The following MAP3K20 variants were observed in gnomAD, a reference collection of about 807,000 sequenced individuals.
MAP3K20 encodes the protein HCCS-4.
MAP3K20 carries 40 observed loss-of-function variants against 85.7 expected under a neutral mutation model. That is an observed-to-expected ratio of 0.47 (90% CI 0.36 to 0.61). The LOEUF (loss-of-function observed/expected upper bound fraction) is 0.61, where lower values mean the gene tolerates loss of function less well. Ranked by LOEUF, MAP3K20 falls within the 20% of genes least tolerant of loss-of-function variation. The pLI is 0.00. For missense variants in MAP3K20, 817 were observed against 961.7 expected (o/e 0.85, Z 1.99); for synonymous variants, 325 against 327.7 (o/e 0.99, Z 0.09).
intron 10 of MAP3K20, chr2:173,211,892 C>CGACA (rs1559281482): frequency 6.6e-6 from 1 of 151,946 alleles, no homozygotes; most frequent in African/African-American, 2.4e-5. Flanking sequence ...CCAGCCTGGG[C>CGACA]GACACAGCAA....
At chr2:173,103,476 A>C (rs974563647) in intron 2 of MAP3K20, among the ~76,000 whole-genome samples, 1 of 152,106 alleles carries the variant, frequency 6.6e-6, no homozygotes, top group Non-Finnish European at 1.5e-5. Context: ...AAAAGTTTAT[A>C]CTCTGGCCTT....
chr2:173,198,553 T>C lies in MAP3K20; in HGVS notation c.669+441T>C, dbSNP rs1345834281. ...CAGGAGTCACTATAGTACAAGAAAC[T>C]GTCGCTTAGATGAGAATTTCAAAAA... is the stretch of plus-strand genomic sequence containing the variant. On this transcript the variant is annotated intron_variant, in intron 8 of 19. Coordinates refer to ENST00000375213, the MANE Select transcript of MAP3K20 (RefSeq NM_016653.3). This position sits in a 1 kb window ranked among gnomAD's most constrained non-coding sequence, Gnocchi z 5.8. The C allele has an allele frequency of 6.6e-6, 1 of 152,598 alleles. No individual in the cohort carries two copies. The highest frequency in any genetic ancestry group is 1.5e-5 in the Non-Finnish European group (1 of 68,090). 9.5% of individuals were successfully genotyped at this position (152,598 alleles called of 1,614,324 possible). A position where few individuals can be genotyped will look rare whatever the true frequency, so the allele number is the denominator to read the frequency against.
intron 2 of MAP3K20, among the ~76,000 whole-genome samples, chr2:173,104,066 T>G (rs1244767301): frequency 6.6e-6 from 1 of 152,190 alleles, no homozygotes; most frequent in African/African-American, 2.4e-5. Flanking sequence ...GTCAACACAT[T>G]AGAAAATATA....
chr2:173,122,949 T>C (rs1457274624), intron 2 of MAP3K20, among the ~76,000 whole-genome samples: 1 of 152,148 alleles, frequency 6.6e-6, no homozygotes, highest in Non-Finnish European at 1.5e-5. Context: ...CAAAGGAAAA[T>C]AACTACAGAG....
At chr2:173,078,080 T>G (rs114267719) in intron 1 of MAP3K20, among the ~76,000 whole-genome samples, 2,342 of 152,230 alleles carry the variant, frequency 0.015, 57 homozygotes, top group African/African-American at 0.053. Flanking sequence ...TTCATGAAAA[T>G]AAGTCAGATG....
Position 173,191,672 on chromosome 2 carries a change from T to A in MAP3K20, c.582+495T>A, listed in dbSNP as rs78326606. The stretch of plus-strand genomic sequence containing the variant: ...GTTTCTAAAAGTCCAAAAGAAAATG[T>A]ACTTAGCACTTACCAGATGACCTTG... On this transcript the variant is annotated intron_variant, in intron 7 of 19. Coordinates refer to ENST00000375213, the MANE Select transcript of MAP3K20 (RefSeq NM_016653.3). 6.4e-3 allele frequency among the ~76,000 whole-genome samples: 973 copies of A among 152,356 alleles called. 6 individuals are homozygous for A. Among genetic ancestry groups the A allele is most frequent in the Non-Finnish European group, 8.1e-3 (550 of 68,026 alleles).
intron 2 of MAP3K20, among the ~76,000 whole-genome samples, chr2:173,134,423 TA>T (rs1251926851): frequency 0.016 from 354 of 22,198 alleles, 22 homozygotes; most frequent in South Asian, 0.026. Flanking sequence ...TATATATATA[TA>T]TATATTTTTT....
At chr2:173,122,272 T>A (rs552348665) in intron 2 of MAP3K20, among the ~76,000 whole-genome samples, 1 of 152,390 alleles carries the variant, frequency 6.6e-6, no homozygotes, top group South Asian at 2.1e-4. Context: ...TAACTGGGGA[T>A]GTAAGCTGTG....
At chr2:173,246,943 T>C (rs1179736862) in intron 16 of MAP3K20, among the ~76,000 whole-genome samples, 1 of 152,178 alleles carries the variant, frequency 6.6e-6, no homozygotes, top group Non-Finnish European at 1.5e-5. Flanking sequence ...CACTTCCAAT[T>C]TCCTATTTCA....
chr2:173,237,641 A>T (rs1684684941), intron 14 of MAP3K20, among the ~76,000 whole-genome samples: 1 of 152,100 alleles, frequency 6.6e-6, no homozygotes, highest in South Asian at 2.1e-4. Flanking sequence ...TTTGTGTTTC[A>T]TTGGCAGAGG....
chr2:173,101,301 CTT>C (rs1157925963), intron 2 of MAP3K20, among the ~76,000 whole-genome samples: 1 of 152,010 alleles, frequency 6.6e-6, no homozygotes, highest in Non-Finnish European at 1.5e-5. Context: ...GCTACTTAGT[CTT>C]TAAAATTTTT....
intron 2 of MAP3K20, among the ~76,000 whole-genome samples, chr2:173,111,417 C>T (rs767592911): frequency 1.4e-4 from 21 of 152,124 alleles, no homozygotes; most frequent in Non-Finnish European, 2.8e-4. Flanking sequence ...TGCAAAAGCT[C>T]TTTAGTTTAA....
chr2:173,207,721 T>G (rs1181899148), intron 9 of MAP3K20: 3 of 54,040 alleles, frequency 5.6e-5, no homozygotes, highest in Admixed American at 2.2e-4. Context: ...ATGGTCCCAG[T>G]TTTTTTTTTT....
At chr2:173,206,158 A>G (rs1376529388) in intron 9 of MAP3K20, among the ~76,000 whole-genome samples, 1 of 152,208 alleles carries the variant, frequency 6.6e-6, no homozygotes, top group East Asian at 1.9e-4. Flanking sequence ...TTGTGATTAG[A>G]TTTCAGTATG....
At chr2:173,192,335 T>A (rs1463317977) in intron 7 of MAP3K20, among the ~76,000 whole-genome samples, 1 of 152,190 alleles carries the variant, frequency 6.6e-6, no homozygotes, top group Non-Finnish European at 1.5e-5. Flanking sequence ...TTTGGACTTG[T>A]TTCAGTGACT....
At chr2:173,159,641 T>G (rs541142359) in intron 2 of MAP3K20, among the ~76,000 whole-genome samples, 2 of 152,286 alleles carry the variant, frequency 1.3e-5, no homozygotes, top group Non-Finnish European at 2.9e-5. Flanking sequence ...CTGCCTGCCT[T>G]GGCCTCCCAA....
chr2:173,100,036 A>G (rs979377510), intron 2 of MAP3K20, among the ~76,000 whole-genome samples: 2 of 152,256 alleles, frequency 1.3e-5, no homozygotes, highest in African/African-American at 4.8e-5. Context: ...AATGTTAATT[A>G]GCTGATATCT....
intron 3 of MAP3K20, among the ~76,000 whole-genome samples, chr2:173,181,878 A>G (rs1690339474): frequency 1.3e-5 from 1 of 79,782 alleles, no homozygotes; most frequent in Admixed American, 1.7e-4. Context: ...GCAAGACCTC[A>G]TCTCTACCAA....
chr2:173,226,347 G>A, intron 11 of MAP3K20: 1 of 984,396 alleles, frequency 1.0e-6, no homozygotes, highest in South Asian at 4.7e-5. Flanking sequence ...AAAAATTATT[G>A]TACTAGACTT....
Sources: allele counts gnomAD v4.1 joint callset (sites outside exome capture counted in the v4.1 genomes callset), GRCh38; gene constraint gnomAD v4.1.1; non-coding constraint Gnocchi (gnomAD v3.1); transcripts MANE v1.5; gene names NCBI Gene and HGNC (gene_info 2026-07-23, HGNC 2026-07-21).